The following HBS1L variants were observed in gnomAD, a reference collection of about 807,000 sequenced individuals.
HBS1L encodes the protein HBS1-like protein.
A neutral mutation model predicts 88.9 loss-of-function variants in HBS1L; 55 were observed. The observed-to-expected ratio is 0.62, with a 90% CI of 0.50 to 0.77. The LOEUF is 0.77. Ranked by LOEUF, HBS1L falls within the 30% of genes least tolerant of loss-of-function variation. The pLI is 0.00. For synonymous variants in HBS1L, 267 were observed against 288.5 expected (o/e 0.93, Z 0.76); for missense variants, 741 against 829.3 (o/e 0.89, Z 1.31).
At chr6:134,983,320 G>A (rs973591147) in intron 12 of HBS1L, 1 of 152,178 alleles carries the variant, frequency 6.6e-6, no homozygotes, top group African/African-American at 2.4e-5. Context: ...ATTGTGACCG[G>A]AGAAGTAAGG....
Position 134,969,193 on chromosome 6 carries a change from T to C in HBS1L, c.1898+45A>G, listed in dbSNP as rs775536760. 52 of 1,228,276 alleles carry C rather than the reference T, an allele frequency of 4.2e-5. No individual in the cohort carries two copies. The South Asian group carries it at 5.1e-4, about 12-fold the overall frequency. The allele number at this position is 1,228,276 out of a possible 1,614,324, so 76.1% of individuals were successfully genotyped here. A position where few individuals can be genotyped will look rare whatever the true frequency, so the allele number is the denominator to read the frequency against. On this transcript the variant is annotated intron_variant, in intron 16 of 17. Coordinates refer to ENST00000367837, the MANE Select transcript of HBS1L (RefSeq NM_006620.4). ...CACAAATGAGTTAATCTTTAAAAAA[T>C]TGGCTTAAATTGCTTGTTTATCATT... is the stretch of plus-strand genomic sequence containing the variant.
In HBS1L at chr6:134,965,284, C is replaced by G. The variant is rs1774278524; in HGVS notation, c.2050G>C (p.Glu684Gln). 1 of 1,552,380 alleles carries G rather than the reference C, an allele frequency of 6.4e-7. No individual in the cohort carries two copies. Among genetic ancestry groups the G allele is most frequent in the Non-Finnish European group, 8.8e-7 (1 of 1,133,470 alleles). The change falls in exon 18 of 18, where the codon GAA (glutamate) becomes CAA (glutamine). Residue 684 changes from glutamate to glutamine, a missense_variant. Glu to Gln is a conservative substitution (Grantham distance 29). Transcript: ENST00000367837. The part of the protein sequence containing the change: ...IAAGVVTEIK[E>Q] ...GTGGTAGAAATTCTGACCCATCATT[C>G]TTTTATCTGTTAAAACAAAAAAAAA...
intron 15 of HBS1L, among the ~76,000 whole-genome samples, chr6:134,977,435 G>A (rs1774680584): frequency 6.6e-6 from 1 of 151,906 alleles, no homozygotes; most frequent in South Asian, 2.1e-4. Context: ...GTTGTTACTT[G>A]ATGATCAATA....
chr6:135,016,514 G>A (rs1775926379), intron 4 of HBS1L, among the ~76,000 whole-genome samples: 1 of 152,104 alleles, frequency 6.6e-6, no homozygotes, highest in Admixed American at 6.5e-5. Flanking sequence ...GATTTGGGGA[G>A]GTGAGAAAGG....
Position 134,986,798 on chromosome 6 carries a change from G to T in HBS1L, c.1243C>A (p.Gln415Lys), listed in dbSNP as rs1214500576. The T allele has an allele frequency of 1.3e-6, 2 of 1,558,974 alleles. No individual in the cohort carries two copies. The change falls in exon 10 of 18, where the codon CAA becomes AAA. Residue 415 changes from glutamine (Q) to lysine (K), a missense_variant. Coordinates refer to ENST00000367837, the MANE Select transcript of HBS1L (RefSeq NM_006620.4). ...VNKMDQVNWQQERFQEITGKL... is the reference protein window; with the variant it reads ...VNKMDQVNWQKERFQEITGKL... ...CCAGTAATCTCTTGAAACCTTTCTT[G>T]TTGCCAATTAACCTGATAAAGATCC... is the stretch of plus-strand genomic sequence containing the variant.
At chr6:134,996,111 C>A (rs1340194937) in intron 7 of HBS1L, among the ~76,000 whole-genome samples, 1 of 152,078 alleles carries the variant, frequency 6.6e-6, no homozygotes. Flanking sequence ...GATATATCTG[C>A]CATTTCACTA....
At chr6:135,006,144 A>C (rs555319007) in intron 4 of HBS1L, among the ~76,000 whole-genome samples, 2 of 152,364 alleles carry the variant, frequency 1.3e-5, no homozygotes, top group South Asian at 4.1e-4. Context: ...TCTATCCAAC[A>C]GGTATAAGAA....
rs186090376 is a variant in HBS1L at position 135,013,438 on chromosome 6, C to T, written c.431-10596G>A. On this transcript the variant is annotated intron_variant, in intron 4 of 17. Coordinates refer to ENST00000367837, the MANE Select transcript of HBS1L (RefSeq NM_006620.4). ...TGAGCTAGGTACTGAAATAAACAGACCCAAGAATGTGGTGAGACATAAGAT... is the reference window on the plus strand; with the variant it reads ...TGAGCTAGGTACTGAAATAAACAGATCCAAGAATGTGGTGAGACATAAGAT... 2.6e-5 allele frequency among the ~76,000 whole-genome samples: 4 copies of T among 152,220 alleles called. No homozygotes were observed. In the East Asian group the frequency reaches 7.7e-4, roughly 29 times the overall value.
Position 134,969,633 on chromosome 6 carries a change from T to C in HBS1L, c.1798-295A>G, listed in dbSNP as rs565741944. On this transcript the variant is annotated intron_variant, in intron 15 of 17. Coordinates refer to ENST00000367837, the MANE Select transcript of HBS1L (RefSeq NM_006620.4). ...GTAAAGATGGAGGGTAACAACATCT[T>C]AGTGTTGTTCTAAAGATTAAGTAAG... Among the ~76,000 whole-genome samples, 5 of 152,318 alleles carry C rather than the reference T, an allele frequency of 3.3e-5. No homozygotes were observed. In the East Asian group the frequency reaches 9.6e-4, roughly 29 times the overall value.
At chr6:134,976,357 C>CA (rs1289103510) in intron 15 of HBS1L, among the ~76,000 whole-genome samples, 1 of 152,080 alleles carries the variant, frequency 6.6e-6, no homozygotes, top group Non-Finnish European at 1.5e-5. Flanking sequence ...AGAGATTTCT[C>CA]AAAGAACGAA....
chr6:135,043,847 A>C (rs1489789478), intron 2 of HBS1L, among the ~76,000 whole-genome samples: 1 of 152,232 alleles, frequency 6.6e-6, no homozygotes, highest in African/African-American at 2.4e-5. Flanking sequence ...GCTCATGTCA[A>C]TGGGCTATGA....
intron 4 of HBS1L, among the ~76,000 whole-genome samples, chr6:135,031,054 G>T (rs1170856526): frequency 6.6e-6 from 1 of 151,932 alleles, no homozygotes; most frequent in Non-Finnish European, 1.5e-5. Context: ...TGGTAATTTT[G>T]TACTTTTTGT....
At position 134,966,353 on chromosome 6, in the gene HBS1L, T is replaced by G; in HGVS notation, c.2019A>C (p.Thr673=). ...GRFMLRYGGS[T]IAAGVVTEIK... is the part of the protein sequence containing the mutation. ...CCTCAGTGACAACACCAGCAGCTATTGTAGAACCACCGTAACGTAGCATGA... is the reference window on the plus strand; with the variant it reads ...CCTCAGTGACAACACCAGCAGCTATGGTAGAACCACCGTAACGTAGCATGA... The change falls in exon 17 of 18, where the codon ACA becomes ACC. Residue 673 remains threonine (T), a synonymous_variant. Coordinates refer to ENST00000367837, the MANE Select transcript of HBS1L (RefSeq NM_006620.4). The G allele has an allele frequency of 6.2e-7, 1 of 1,612,452 alleles. No homozygotes were observed.
In HBS1L at chr6:135,023,286, T is replaced by C. The variant is rs144560319; in HGVS notation, c.430+16287A>G. ...GGTGAAACCCCGTCTCTTCTAAAAATACAAAAAATTAGCCGGGCGTGATGG... is the reference window on the plus strand; with the variant it reads ...GGTGAAACCCCGTCTCTTCTAAAAACACAAAAAATTAGCCGGGCGTGATGG... On this transcript the variant is annotated intron_variant, in intron 4 of 17. Transcript: ENST00000367837. Among the ~76,000 whole-genome samples the C allele has an allele frequency of 3.9e-3, 595 of 152,116 alleles. 16 individuals are homozygous for C. The East Asian group carries it at 0.067, about 17-fold the overall frequency.
intron 4 of HBS1L, among the ~76,000 whole-genome samples, chr6:135,014,316 T>C (rs1018856299): frequency 3.3e-5 from 5 of 152,212 alleles, no homozygotes; most frequent in African/African-American, 1.2e-4. Flanking sequence ...AAAAATTTTA[T>C]TTTATGAAAG....
intron 1 of HBS1L, among the ~76,000 whole-genome samples, chr6:135,053,393 G>A (rs1173140997): frequency 3.9e-5 from 6 of 152,092 alleles, no homozygotes; most frequent in Non-Finnish European, 7.3e-5. Context: ...CTAACTTAAT[G>A]GTGGTTGAGG....
intron 4 of HBS1L, among the ~76,000 whole-genome samples, chr6:135,031,493 T>C (rs1776383408): frequency 6.6e-6 from 1 of 152,078 alleles, no homozygotes; most frequent in South Asian, 2.1e-4. Flanking sequence ...TAATCAATTA[T>C]GAGTAGCAGG....
intron 4 of HBS1L, among the ~76,000 whole-genome samples, chr6:135,028,610 G>A (rs892887168): frequency 6.6e-6 from 1 of 151,958 alleles, no homozygotes; most frequent in Non-Finnish European, 1.5e-5. Context: ...ACATACACAC[G>A]AATGCAAGTA....
At chr6:135,049,011 G>A (rs1376042897) in intron 2 of HBS1L, among the ~76,000 whole-genome samples, 1 of 152,152 alleles carries the variant, frequency 6.6e-6, no homozygotes, top group Non-Finnish European at 1.5e-5. Context: ...TTGGTCTGCA[G>A]AGGCTAAAAA....
Sources: allele counts gnomAD v4.1 joint callset (sites outside exome capture counted in the v4.1 genomes callset), GRCh38; gene constraint gnomAD v4.1.1; transcripts MANE v1.5; gene names NCBI Gene and HGNC (gene_info 2026-07-23, HGNC 2026-07-21).